MYSM1: variants seen among roughly 807,000 people sequenced by gnomAD.
The protein encoded by MYSM1 is Myb like, SWIRM and MPN domains 1.
Under a neutral mutation model 116.0 loss-of-function variants are expected in MYSM1, and 51 were observed. The observed-to-expected ratio is 0.44, with a 90% CI of 0.35 to 0.56. MYSM1 has a LOEUF of 0.56. Among genes scored for constraint, MYSM1 ranks in the 20% least tolerant of loss-of-function variants. The pLI is 0.00. For missense variants in MYSM1, 900 were observed against 974.9 expected (o/e 0.92, Z 1.02); for synonymous variants, 313 against 315.2 (o/e 0.99, Z 0.07).
At chr1:58,682,928 C>T (rs941186504) in intron 7 of MYSM1, among the ~76,000 whole-genome samples, 1 of 152,120 alleles carries the variant, frequency 6.6e-6, no homozygotes, top group Non-Finnish European at 1.5e-5. Flanking sequence ...ATCTCCTGAC[C>T]TTGTGATGCA....
intron 11 of MYSM1, among the ~76,000 whole-genome samples, chr1:58,673,077 T>C (rs1482894643): frequency 6.6e-6 from 1 of 152,172 alleles, no homozygotes; most frequent in East Asian, 1.9e-4. Flanking sequence ...TTATTCACAA[T>C]TCGTAAGTTA....
chr1:58,693,118 C>T (rs1240786056), intron 2 of MYSM1, among the ~76,000 whole-genome samples, 187 bp from the exon 3 acceptor site: 2 of 152,206 alleles, frequency 1.3e-5, no homozygotes, highest in South Asian at 4.1e-4. Flanking sequence ...GAAGCAACCA[C>T]AGCACTACTA....
intron 13 of MYSM1, 116 bp downstream of exon 13, chr1:58,668,868 C>A: frequency 1.0e-6 from 1 of 995,670 alleles, no homozygotes; most frequent in African/African-American, 1.7e-5. Flanking sequence ...GAAATTCTCT[C>A]TCATTTTCAG....
intron 12 of MYSM1, among the ~76,000 whole-genome samples, chr1:58,670,529 G>A (rs888114911): frequency 1.3e-5 from 2 of 152,156 alleles, no homozygotes; most frequent in African/African-American, 4.8e-5. Flanking sequence ...AAAATAATGA[G>A]TTCATGAAAA....
chr1:58,698,102 A>ATATATATATATTTT, intron 1 of MYSM1, among the ~76,000 whole-genome samples: 2 of 7,770 alleles, frequency 2.6e-4, no homozygotes, highest in Admixed American at 2.1e-3. Context: ...ATATATATAT[A>ATATATATATATTTT]TTTTTTTTTT....
chr1:58,687,918 C>T (rs1203508476), intron 6 of MYSM1, among the ~76,000 whole-genome samples: 1 of 152,132 alleles, frequency 6.6e-6, no homozygotes, highest in Non-Finnish European at 1.5e-5. Flanking sequence ...GCATTTGCTG[C>T]TGAGCTGCCC....
Position 58,699,383 on chromosome 1 carries a change from T to C in MYSM1, c.68+602A>G, listed in dbSNP as rs559511607. ...CAATTACATATCATGACTCCCAGTT[T>C]AAATATGAGCAGTCTGAGGCTCAGA... On this transcript the variant is annotated intron_variant, in intron 1 of 19. Transcript: ENST00000472487. Among the ~76,000 whole-genome samples the C allele has an allele frequency of 2.0e-5, 3 of 152,318 alleles. No individual in the cohort carries two copies. In the East Asian group the frequency reaches 5.8e-4, roughly 29 times the overall value.
At chr1:58,695,261 T>C (rs1003228099) in intron 1 of MYSM1, 54 bp from the exon 2 acceptor site, 3 of 1,142,354 alleles carry the variant, frequency 2.6e-6, no homozygotes, top group Non-Finnish European at 2.6e-6. Flanking sequence ...AGTTAATGAA[T>C]GTAACTTACA....
In MYSM1 at chr1:58,672,126, T is replaced by A. The variant is rs187142212; in HGVS notation, c.1573-168A>T. On this transcript the variant is annotated intron_variant, in intron 11 of 19. Transcript: ENST00000472487. ...ATGTAGAAAGACTGGACAGTATTTT[T>A]AAAAAATTGTTTCAAAAGACACGGC... 1.2e-3 allele frequency among the ~76,000 whole-genome samples: 181 copies of A among 152,286 alleles called. 3 individuals carry two copies. In the East Asian group the frequency reaches 0.028, roughly 23 times the overall value.
intron 14 of MYSM1, 130 bp from the exon 15 acceptor site, chr1:58,668,051 G>C (rs1644502234): frequency 1.4e-6 from 1 of 713,344 alleles, no homozygotes; most frequent in Middle Eastern, 2.5e-4. Context: ...AGTAGCATAG[G>C]AGAGGAACTA....
intron 7 of MYSM1, among the ~76,000 whole-genome samples, chr1:58,683,076 A>G (rs1557519823): frequency 6.6e-6 from 1 of 152,210 alleles, no homozygotes; most frequent in Non-Finnish European, 1.5e-5. Context: ...TTCAAATGTA[A>G]AGGATCACCA....
chr1:58,693,544 G>A (rs754566161), intron 2 of MYSM1, among the ~76,000 whole-genome samples: 7 of 152,178 alleles, frequency 4.6e-5, no homozygotes, highest in Non-Finnish European at 7.3e-5. Context: ...TACTCACTAA[G>A]TTATTCCATG....
intron 14 of MYSM1, 118 bp downstream of exon 14, chr1:58,668,514 A>T (rs1051345010): frequency 7.2e-7 from 1 of 1,385,184 alleles, no homozygotes; most frequent in African/African-American, 1.5e-5. Context: ...GATTCCTTGT[A>T]AAAGAGGACA....
chr1:58,680,549 A>G (rs4912372), intron 8 of MYSM1, among the ~76,000 whole-genome samples: 132,970 of 152,276 alleles, frequency 0.87, 58,056 homozygotes, highest in East Asian at 0.93. Context: ...CTCCTCCTTT[A>G]AGAATACAGC....
chr1:58,697,971 C>T (rs1490154588), intron 1 of MYSM1, among the ~76,000 whole-genome samples: 2 of 150,152 alleles, frequency 1.3e-5, no homozygotes, highest in African/African-American at 4.9e-5. Context: ...AATTAATTCT[C>T]AACGGTTTCA....
intron 8 of MYSM1, 136 bp downstream of exon 8, chr1:58,681,649 A>T (rs1055986576): frequency 1.1e-6 from 1 of 899,028 alleles, no homozygotes; most frequent in Non-Finnish European, 1.6e-6. Context: ...TTTTTTCATT[A>T]CAAGAAATCT....
At chr1:58,695,419 T>C (rs1021456036) in intron 1 of MYSM1, among the ~76,000 whole-genome samples, 1 of 152,176 alleles carries the variant, frequency 6.6e-6, no homozygotes, top group Non-Finnish European at 1.5e-5. Context: ...CCCATCTCAA[T>C]TGTGAAACAT....
intron 17 of MYSM1, among the ~76,000 whole-genome samples, chr1:58,663,465 T>C (rs1434969298): frequency 1.3e-5 from 2 of 152,128 alleles, no homozygotes; most frequent in African/African-American, 4.8e-5. Context: ...TTAAAAGTAC[T>C]GTAGCACAAG....
intron 8 of MYSM1, among the ~76,000 whole-genome samples, chr1:58,680,274 G>C (rs1644719516): frequency 6.6e-6 from 1 of 152,174 alleles, no homozygotes; most frequent in East Asian, 1.9e-4. Flanking sequence ...GTCAGTGACT[G>C]GTTGTATAAT....
Sources: gnomAD v4.1 joint callset for allele counts (sites outside exome capture counted in the v4.1 genomes callset) on GRCh38, gnomAD v4.1.1 for gene constraint, MANE v1.5 for transcripts, NCBI Gene and HGNC (gene_info 2026-07-23, HGNC 2026-07-21) for gene names.